Variants in ZNF793 observed in about 807,000 individuals in gnomAD.
The protein encoded by ZNF793 is zinc finger protein 793.
A neutral mutation model predicts 12.4 loss-of-function variants in ZNF793; 5 were observed. The observed-to-expected ratio is 0.40, with a 90% CI of 0.21 to 0.84. The LOEUF is 0.84. Ranked by LOEUF, ZNF793 falls within the 40% of genes least tolerant of loss-of-function variation. ZNF793 has a pLI of 0.35. For missense variants in ZNF793, 456 were observed against 495.0 expected (o/e 0.92, Z 0.75); for synonymous variants, 162 against 172.4 (o/e 0.94, Z 0.47).
At position 37,537,454 on chromosome 19, in the gene ZNF793, CA is replaced by C; in HGVS notation, c.797del (p.His266LeufsTer15). On this transcript the variant is annotated frameshift_variant, in exon 8 of 8. Coordinates refer to ENST00000627814, the MANE Select transcript of ZNF793 (RefSeq NM_001013659.3). LOFTEE classifies it low-confidence loss of function (END_TRUNC). Reference sequence around the variant, plus strand: ...CACTGACTGTGGGAAAGCCTTTTCACATAAGTCAACCCTCATCAAACACCAG... The same window carrying C: ...CACTGACTGTGGGAAAGCCTTTTCACTAAGTCAACCCTCATCAAACACCAG... ...GCTDCGKAFS[H>X]KSTLIKHQRI... 1.2e-6 allele frequency: 2 copies of C among 1,613,856 alleles called. No homozygotes were observed. Among genetic ancestry groups the C allele is most frequent in the Non-Finnish European group, 1.7e-6 (2 of 1,179,818 alleles).
rs543662846 is a variant in ZNF793 at position 37,541,694 on chromosome 19, GAAAA to G, written c.*3822_*3825del. The G allele has an allele frequency of 1.4e-5, 2 of 145,500 alleles. No individual in the cohort carries two copies. The highest frequency in any genetic ancestry group is 3.0e-5 in the Non-Finnish European group (2 of 65,782). 9.0% of individuals were successfully genotyped at this position (145,500 alleles called of 1,614,324 possible). ...ACTCCATCTCAGAAAAAAAGAAAAA[GAAAA>G]AAAAAAGGAAACAAACATTTGACTA... On this transcript the variant is annotated 3_prime_UTR_variant, in exon 8 of 8. Transcript: ENST00000627814.
intron 4 of ZNF793, 52 bp from the exon 5 acceptor site, chr19:37,523,358 C>G: frequency 1.4e-6 from 2 of 1,420,228 alleles, no homozygotes; most frequent in Non-Finnish European, 2.0e-6. Flanking sequence ...GCTCTTTACA[C>G]TCTGTTCTCT....
rs1269211057 is a variant in ZNF793, at chr19:37,537,475, C to T, written c.817C>T (p.His273Tyr). ...AFSHKSTLIKHQRIHTGVRPF... is the reference protein window; with the variant it reads ...AFSHKSTLIKYQRIHTGVRPF... ...TTCACATAAGTCAACCCTCATCAAA[C>T]ACCAGAGAATTCACACTGGGGTAAG... The change falls in exon 8 of 8, where the codon CAC (histidine) becomes TAC (tyrosine). Residue 273 changes from histidine (H) to tyrosine (Y), a missense_variant. Physicochemically the swap from His to Tyr is moderately conservative, Grantham distance 83. Coordinates refer to ENST00000627814, the MANE Select transcript of ZNF793 (RefSeq NM_001013659.3). 1 of 1,613,996 alleles carries T rather than the reference C, an allele frequency of 6.2e-7. No homozygotes were observed.
Position 37,537,633 on chromosome 19 carries a change from C to T in ZNF793, c.975C>T (p.Tyr325=), listed in dbSNP as rs751588336. The T allele has an allele frequency of 1.2e-6, 2 of 1,614,106 alleles. No homozygotes were observed. The highest frequency in any genetic ancestry group is 1.7e-6 in the Non-Finnish European group (2 of 1,180,004). ...ECGKSFGEKS[Y]LNVHRKMHTG... is the part of the protein sequence containing the mutation. ...GGAAATCGTTTGGTGAGAAGTCATA[C>T]CTCAATGTACATCGAAAAATGCACA... The change falls in exon 8 of 8, where the codon TAC becomes TAT. Residue 325 remains tyrosine (Y), a synonymous_variant. Coordinates refer to ENST00000627814, the MANE Select transcript of ZNF793 (RefSeq NM_001013659.3).
chr19:37,531,612 G>A (rs1600419283), intron 5 of ZNF793, among the ~76,000 whole-genome samples: 1 of 152,146 alleles, frequency 6.6e-6, no homozygotes, highest in Non-Finnish European at 1.5e-5. Context: ...CCATCTTCCT[G>A]CGGAGGAGAG....
At chr19:37,515,376 C>G (rs1198464095) in intron 2 of ZNF793, among the ~76,000 whole-genome samples, 1 of 151,374 alleles carries the variant, frequency 6.6e-6, no homozygotes, top group Admixed American at 6.6e-5. Context: ...GGCGCAATCT[C>G]AGCTCACTGC....
At chr19:37,508,579 G>C (rs190748475) in intron 2 of ZNF793, among the ~76,000 whole-genome samples, 176 bp downstream of exon 2, 7 of 152,160 alleles carry the variant, frequency 4.6e-5, no homozygotes, top group African/African-American at 1.7e-4. Flanking sequence ...GGTGGCGGGC[G>C]CCTGAGGTCC....
chr19:37,534,115 T>A (rs2042484218), intron 7 of ZNF793: 2 of 152,316 alleles, frequency 1.3e-5, no homozygotes, highest in African/African-American at 2.4e-5. Context: ...TCTCCTCTTC[T>A]GAAAATTTCG....
At chr19:37,513,620 G>A (rs569772048) in intron 2 of ZNF793, among the ~76,000 whole-genome samples, 6 of 152,338 alleles carry the variant, frequency 3.9e-5, no homozygotes, top group African/African-American at 1.4e-4. Flanking sequence ...GGGCCAGACA[G>A]ATTTCTGCAG....
chr19:37,532,551 A>T, intron 6 of ZNF793, 69 bp downstream of exon 6: 1 of 1,487,944 alleles, frequency 6.7e-7, no homozygotes, highest in Non-Finnish European at 9.0e-7. Context: ...CAGTTGCTAA[A>T]AGCAACTGGA....
At chr19:37,512,287 T>C (rs1600404109) in intron 2 of ZNF793, among the ~76,000 whole-genome samples, 1 of 151,972 alleles carries the variant, frequency 6.6e-6, no homozygotes, top group South Asian at 2.1e-4. Context: ...GAGGCCGAGG[T>C]GGGTGGATCA....
At chr19:37,533,836 T>C in intron 7 of ZNF793, 1 of 309,094 alleles carries the variant, frequency 3.2e-6, no homozygotes. Flanking sequence ...CATGTTGGGG[T>C]GGGGAGGTGT....
In ZNF793 at chr19:37,519,870, G is replaced by A. The variant is rs185561768; in HGVS notation, c.-275-314G>A. The stretch of plus-strand genomic sequence containing the variant: ...TTTGAACCCAGGTTGTCTGGCTCCC[G>A]AGTCTGTTTGACAGCCTCTTTCTGT... On this transcript the variant is annotated intron_variant, in intron 2 of 7. Coordinates refer to ENST00000627814, the MANE Select transcript of ZNF793 (RefSeq NM_001013659.3). 2.4e-3 allele frequency among the ~76,000 whole-genome samples: 371 copies of A among 152,324 alleles called. 4 individuals are homozygous for A. Among genetic ancestry groups the A allele is most frequent in the African/African-American group, 8.4e-3 (349 of 41,574 alleles).
chr19:37,529,287 A>G (rs916616710), intron 5 of ZNF793, among the ~76,000 whole-genome samples: 4 of 152,076 alleles, frequency 2.6e-5, no homozygotes, highest in African/African-American at 9.7e-5. Context: ...ACAGCGTTCC[A>G]TCTTTCTCTA....
At chr19:37,520,658 G>T (rs374793777) in intron 3 of ZNF793, among the ~76,000 whole-genome samples, 17 of 152,252 alleles carry the variant, frequency 1.1e-4, no homozygotes, top group African/African-American at 3.8e-4. Context: ...GGAGAAGGGG[G>T]CATCTTTCTA....
chr19:37,510,515 CAAAAA>C (rs1158855173), intron 2 of ZNF793, among the ~76,000 whole-genome samples: 1 of 70,834 alleles, frequency 1.4e-5, no homozygotes, highest in Non-Finnish European at 2.8e-5. Context: ...AACTCCATCT[CAAAAA>C]AAAAAAAAAA....
intron 1 of ZNF793, among the ~76,000 whole-genome samples, chr19:37,507,694 G>T (rs1211624830): frequency 6.6e-6 from 1 of 152,162 alleles, no homozygotes; most frequent in Non-Finnish European, 1.5e-5. Context: ...GTGGGTGGGA[G>T]TGGGACTGTG....
At chr19:37,526,828 C>T (rs2042419444) in intron 5 of ZNF793, among the ~76,000 whole-genome samples, 1 of 152,226 alleles carries the variant, frequency 6.6e-6, no homozygotes, top group East Asian at 1.9e-4. Flanking sequence ...TTTCCTTCGG[C>T]CACTCCTGGA....
At chr19:37,520,030 G>C (rs1333843221) in intron 2 of ZNF793, among the ~76,000 whole-genome samples, 154 bp from the exon 3 acceptor site, 1 of 152,222 alleles carries the variant, frequency 6.6e-6, no homozygotes, top group Non-Finnish European at 1.5e-5. Flanking sequence ...AGACACAAGG[G>C]TCTTTGTGGG....
Sources: gnomAD v4.1 joint callset for allele counts (sites outside exome capture counted in the v4.1 genomes callset) on GRCh38, gnomAD v4.1.1 for gene constraint, MANE v1.5 for transcripts, NCBI Gene and HGNC (gene_info 2026-07-23, HGNC 2026-07-21) for gene names.